The following INPP4B variants were observed in gnomAD, a reference collection of about 807,000 sequenced individuals.
The protein encoded by INPP4B is inositol polyphosphate-4-phosphatase type II B, also known as inositol polyphosphate 4-phosphatase type II.
A neutral mutation model predicts 122.5 loss-of-function variants in INPP4B; 55 were observed. The ratio of observed to expected loss-of-function variants is 0.45; its 90% CI spans 0.36 to 0.56. The LOEUF (loss-of-function observed/expected upper bound fraction) is 0.56. INPP4B is among the 20% of genes least tolerant of loss of function. The probability of loss-of-function intolerance (pLI) is 0.00; values close to 1 mark genes in which losing one functional copy is unlikely to be tolerated. For missense variants in INPP4B, 1,000 were observed against 1,097.7 expected, an observed-to-expected ratio of 0.91 and a Z score of 1.26; for synonymous variants, 403 against 388.7, an observed-to-expected ratio of 1.04 and a Z score of -0.43.
At chr4:142,353,049 G>C (rs561488374) in intron 7 of INPP4B, among the ~76,000 whole-genome samples, 12 of 151,658 alleles carry the variant, frequency 7.9e-5, no homozygotes, top group Admixed American at 6.6e-4. Flanking sequence ...CTACCACCGA[G>C]GATAAAAGGT....
At chr4:142,565,509 G>A (rs1050869293) in intron 2 of INPP4B, among the ~76,000 whole-genome samples, 12 of 152,110 alleles carry the variant, frequency 7.9e-5, no homozygotes, top group Middle Eastern at 3.2e-3. Context: ...AAGGAGAAAA[G>A]AAAACTTTTC....
intron 2 of INPP4B, among the ~76,000 whole-genome samples, chr4:142,506,866 A>C (rs1211992498): frequency 6.6e-6 from 1 of 152,206 alleles, no homozygotes; most frequent in Non-Finnish European, 1.5e-5. Context: ...TTTCTGAGAT[A>C]TTCTCCAGGG....
chr4:142,796,306 C>G (rs943619112), intron 1 of INPP4B, among the ~76,000 whole-genome samples: 5 of 151,578 alleles, frequency 3.3e-5, no homozygotes, highest in Non-Finnish European at 5.9e-5. Context: ...GACAACAGTG[C>G]CATGAAAATG....
At chr4:142,579,320 G>A (rs1734510557) in intron 2 of INPP4B, among the ~76,000 whole-genome samples, 1 of 151,982 alleles carries the variant, frequency 6.6e-6, no homozygotes, top group Non-Finnish European at 1.5e-5. Context: ...TGGCCTTTCA[G>A]AGTTAGAAAT....
intron 1 of INPP4B, among the ~76,000 whole-genome samples, chr4:142,821,291 T>C (rs1486479669): frequency 1.3e-5 from 2 of 152,100 alleles, no homozygotes. Context: ...ATATACTATT[T>C]TATCATGGAG....
At chr4:142,440,632 C>T (rs1811492456) in intron 3 of INPP4B, among the ~76,000 whole-genome samples, 2 of 152,184 alleles carry the variant, frequency 1.3e-5, no homozygotes, top group Admixed American at 6.5e-5. Context: ...TATTAACCCC[C>T]TGCCCGTCAT....
At chr4:142,657,449 T>TA (rs1754368563) in intron 2 of INPP4B, among the ~76,000 whole-genome samples, 1 of 152,326 alleles carries the variant, frequency 6.6e-6, no homozygotes, top group East Asian at 1.9e-4. Flanking sequence ...TGGCTGCACT[T>TA]AGCACACAAA....
chr4:142,037,945 A>T (rs1744997844), intron 25 of INPP4B, among the ~76,000 whole-genome samples: 1 of 152,178 alleles, frequency 6.6e-6, no homozygotes, highest in Admixed American at 6.5e-5. Flanking sequence ...AAATAAATTT[A>T]AAAATCTTAA....
chr4:142,599,421 T>C (rs1316259618), intron 2 of INPP4B, among the ~76,000 whole-genome samples: 2 of 152,192 alleles, frequency 1.3e-5, no homozygotes, highest in Non-Finnish European at 2.9e-5. Context: ...CTACTGATGC[T>C]ATTTACAGCC....
At chr4:142,430,390 A>G (rs1809045522) in intron 4 of INPP4B, among the ~76,000 whole-genome samples, 1 of 152,066 alleles carries the variant, frequency 6.6e-6, no homozygotes, top group South Asian at 2.1e-4. Context: ...AGATTTCTCA[A>G]AAACGCATCC....
intron 2 of INPP4B, among the ~76,000 whole-genome samples, chr4:142,654,091 A>C (rs1753616388): frequency 6.6e-6 from 1 of 152,100 alleles, no homozygotes. Flanking sequence ...GAAGCTGGAA[A>C]CCATCATTCT....
intron 2 of INPP4B, among the ~76,000 whole-genome samples, chr4:142,625,186 C>T (rs1429709382): frequency 3.3e-5 from 5 of 151,718 alleles, no homozygotes; most frequent in Non-Finnish European, 7.4e-5. Context: ...AAGAGGAAGT[C>T]AAATTGTCCC....
intron 2 of INPP4B, among the ~76,000 whole-genome samples, chr4:142,507,699 T>G (rs1824198156): frequency 6.6e-6 from 1 of 152,070 alleles, no homozygotes. Flanking sequence ...TTAGCAGAAC[T>G]CTGGATGTGA....
intron 1 of INPP4B, among the ~76,000 whole-genome samples, chr4:142,730,257 C>T (rs1208887331): frequency 6.6e-6 from 1 of 152,106 alleles, no homozygotes; most frequent in African/African-American, 2.4e-5. Context: ...ATAGCTATTG[C>T]TTTAAGGGGT....
In INPP4B at chr4:142,028,786, G is replaced by GTGTC; in HGVS notation, c.2767_2770dup (p.Thr924ArgfsTer9). ...TTTATTAACATGTTGGTAAACTTAG[G>GTGTC]TGTCAGCTTTTCCATAAGTCCCCTC... On this transcript the variant is annotated frameshift_variant, in exon 26 of 26. Transcript: ENST00000262992. LOFTEE classifies it high-confidence loss of function. 1 of 1,609,796 alleles carries GTGTC rather than the reference G, an allele frequency of 6.2e-7. No homozygotes were observed. The highest frequency in any genetic ancestry group is 2.2e-5 in the East Asian group (1 of 44,790).
intron 15 of INPP4B, among the ~76,000 whole-genome samples, chr4:142,190,537 C>A (rs533377105): frequency 8.1e-4 from 123 of 152,206 alleles, no homozygotes; most frequent in African/African-American, 2.9e-3. Context: ...TTGTCTCAAA[C>A]CACTGCCCTA....
At chr4:142,428,989 GGCA>G (rs1462516159) in intron 5 of INPP4B, among the ~76,000 whole-genome samples, 181 bp downstream of exon 5, 5 of 151,688 alleles carry the variant, frequency 3.3e-5, no homozygotes, top group African/African-American at 1.2e-4. Context: ...TGTATCCTTG[GGCA>G]GCAAGTTAAT....
At chr4:142,033,393 T>C (rs538630290) in intron 25 of INPP4B, among the ~76,000 whole-genome samples, 81 of 152,114 alleles carry the variant, frequency 5.3e-4, no homozygotes, top group African/African-American at 1.2e-3. Context: ...CAAGGCAGGG[T>C]TGGAAGGAGT....
chr4:142,340,850 T>C (rs12502921), intron 7 of INPP4B, among the ~76,000 whole-genome samples: 16,919 of 152,014 alleles, frequency 0.11, 998 homozygotes, highest in East Asian at 0.18. Context: ...AAAAAAATCA[T>C]AGAGGAGCTT....
Sources: allele counts gnomAD v4.1 joint callset (sites outside exome capture counted in the v4.1 genomes callset), GRCh38; gene constraint gnomAD v4.1.1; transcripts MANE v1.5; gene names NCBI Gene and HGNC (gene_info 2026-07-23, HGNC 2026-07-21).